Variants in SCLT1 observed in about 807,000 individuals in gnomAD.
The protein encoded by SCLT1 is sodium channel-associated protein 1.
A neutral mutation model predicts 112.8 loss-of-function variants in SCLT1; 78 were observed. That is an observed-to-expected ratio of 0.69 (90% confidence interval 0.58 to 0.83). The LOEUF is 0.83. SCLT1 is among the 40% of genes least tolerant of loss of function. The pLI is 0.00. For missense variants in SCLT1, 747 were observed against 770.4 expected, an observed-to-expected ratio of 0.97 and a Z score of 0.36; for synonymous variants, 257 against 254.7, an observed-to-expected ratio of 1.01 and a Z score of -0.09.
chr4:128,948,371 A>T, intron 15 of SCLT1, 125 bp downstream of exon 15: 1 of 1,133,024 alleles, frequency 8.8e-7, no homozygotes, highest in Non-Finnish European at 1.2e-6. Flanking sequence ...AAAAGAAAAG[A>T]AAAACTTACC....
At chr4:128,928,800 C>A (rs1270527379) in intron 18 of SCLT1, among the ~76,000 whole-genome samples, 1 of 151,222 alleles carries the variant, frequency 6.6e-6, no homozygotes, top group Non-Finnish European at 1.5e-5. Flanking sequence ...CCACTGCACT[C>A]CAGCCCGGGA....
chr4:129,056,882 G>GA (rs1284120130), intron 2 of SCLT1, among the ~76,000 whole-genome samples: 2 of 152,192 alleles, frequency 1.3e-5, no homozygotes, highest in African/African-American at 4.8e-5. Context: ...TACAAATGGT[G>GA]AATGTGGGCA....
At chr4:128,992,809 T>C (rs566424281) in intron 8 of SCLT1, among the ~76,000 whole-genome samples, 2 of 152,120 alleles carry the variant, frequency 1.3e-5, no homozygotes, top group African/African-American at 2.4e-5. Context: ...TTTGGAACTT[T>C]TTCCTGAAGG....
chr4:129,030,949 A>G (rs1179762554), intron 5 of SCLT1, among the ~76,000 whole-genome samples: 1 of 152,082 alleles, frequency 6.6e-6, no homozygotes, highest in African/African-American at 2.4e-5. Context: ...ATAGAGAAAG[A>G]GGGACTCCTC....
At position 128,965,278 on chromosome 4, in the gene SCLT1, G is replaced by A. The variant is rs1267479413; in HGVS notation, c.818C>T (p.Ser273Leu). The change falls in exon 11 of 21, where the codon TCA becomes TTA. Residue 273 changes from serine (S) to leucine (L), a missense_variant. By Grantham distance (145) the Ser-to-Leu change is moderately radical. Coordinates refer to ENST00000281142, the MANE Select transcript of SCLT1 (RefSeq NM_144643.4). The part of the protein sequence containing the change: ...VVSAHGREEA[S>L]DRRLQQLQSS... Reference sequence around the variant, plus strand: ...CTGTAACTGCTGTAAACGCCTATCTGATGCTTCCTCTCTTCCATGGGCAGA... The same window carrying A: ...CTGTAACTGCTGTAAACGCCTATCTAATGCTTCCTCTCTTCCATGGGCAGA... The A allele has an allele frequency of 1.2e-6, 2 of 1,610,346 alleles. No homozygotes were observed. The highest frequency in any genetic ancestry group is 2.7e-5 in the African/African-American group (2 of 74,814).
intron 5 of SCLT1, among the ~76,000 whole-genome samples, chr4:129,025,076 G>A (rs1352152188): frequency 2.6e-5 from 4 of 152,212 alleles, no homozygotes; most frequent in African/African-American, 9.6e-5. Flanking sequence ...CGTCTGATTG[G>A]TGTACCTGAA....
intron 9 of SCLT1, among the ~76,000 whole-genome samples, chr4:128,989,739 C>T (rs931530522): frequency 1.3e-5 from 2 of 150,864 alleles, no homozygotes; most frequent in African/African-American, 4.9e-5. Context: ...ATACAGAAGA[C>T]TCAGGTAAAT....
intron 11 of SCLT1, among the ~76,000 whole-genome samples, chr4:128,964,340 G>A (rs1372184167): frequency 6.6e-6 from 1 of 152,136 alleles, no homozygotes; most frequent in Admixed American, 6.5e-5. Flanking sequence ...TGAAAAACAT[G>A]ACACCAACTG....
At chr4:128,886,209 T>C (rs779848552) in intron 20 of SCLT1, among the ~76,000 whole-genome samples, 3 of 152,158 alleles carry the variant, frequency 2.0e-5, no homozygotes, top group Non-Finnish European at 4.4e-5. Context: ...TTCAACTATT[T>C]AGAGTGATAC....
At chr4:129,065,616 C>T (rs1462804072) in intron 2 of SCLT1, among the ~76,000 whole-genome samples, 4 of 119,432 alleles carry the variant, frequency 3.3e-5, no homozygotes, top group South Asian at 2.9e-4. Flanking sequence ...AAACACATAG[C>T]GTGTGGGATT....
intron 5 of SCLT1, among the ~76,000 whole-genome samples, chr4:129,009,015 T>C (rs1744277225): frequency 6.6e-6 from 1 of 152,246 alleles, no homozygotes; most frequent in Non-Finnish European, 1.5e-5. Flanking sequence ...TATGGATGCA[T>C]AGTATTCCAT....
At chr4:128,979,050 A>C (rs2126047951) in intron 9 of SCLT1, among the ~76,000 whole-genome samples, 1 of 152,286 alleles carries the variant, frequency 6.6e-6, no homozygotes, top group South Asian at 2.1e-4. Flanking sequence ...ATTTGTAAGT[A>C]CTGTATATCC....
At chr4:129,031,603 C>T (rs1388412736) in intron 5 of SCLT1, among the ~76,000 whole-genome samples, 1 of 152,118 alleles carries the variant, frequency 6.6e-6, no homozygotes, top group East Asian at 1.9e-4. Flanking sequence ...TGATAAGCAA[C>T]TTCAGCAAAG....
intron 18 of SCLT1, among the ~76,000 whole-genome samples, chr4:128,929,132 A>G (rs567641332): frequency 4.1e-4 from 63 of 152,362 alleles, no homozygotes; most frequent in African/African-American, 1.4e-3. Context: ...AAAATCCAAA[A>G]GATTCTACAG....
At chr4:129,038,521 C>T (rs1747392431) in intron 5 of SCLT1, among the ~76,000 whole-genome samples, 2 of 151,836 alleles carry the variant, frequency 1.3e-5, no homozygotes. Flanking sequence ...TATAAAAAAA[C>T]TGTAAAAGCA....
At chr4:128,971,603 C>G (rs996351926) in intron 9 of SCLT1, 2 of 152,056 alleles carry the variant, frequency 1.3e-5, no homozygotes, top group Non-Finnish European at 2.9e-5. Flanking sequence ...ATTCACAATA[C>G]GTAATAAAAC....
chr4:128,903,861 C>T (rs946292230), intron 18 of SCLT1, among the ~76,000 whole-genome samples: 3 of 152,116 alleles, frequency 2.0e-5, no homozygotes, highest in African/African-American at 7.2e-5. Context: ...GACATTTTCC[C>T]TTCATTAGAG....
At chr4:128,986,545 T>C (rs1463117713) in intron 9 of SCLT1, among the ~76,000 whole-genome samples, 2 of 151,998 alleles carry the variant, frequency 1.3e-5, no homozygotes, top group Non-Finnish European at 2.9e-5. Context: ...GCAGTACTGC[T>C]CCAAAGAGAC....
intron 17 of SCLT1, among the ~76,000 whole-genome samples, chr4:128,939,756 A>G (rs1178192399): frequency 1.3e-5 from 2 of 152,200 alleles, no homozygotes; most frequent in Non-Finnish European, 2.9e-5. Context: ...TTCATATGAT[A>G]AATTGTTAAG....
Sources: allele counts gnomAD v4.1 joint callset (sites outside exome capture counted in the v4.1 genomes callset), GRCh38; gene constraint gnomAD v4.1.1; transcripts MANE v1.5; gene names NCBI Gene and HGNC (gene_info 2026-07-23, HGNC 2026-07-21).